NECTIN1: variants seen among roughly 807,000 people sequenced by gnomAD.
NECTIN1 encodes the protein nectin-1.
A neutral mutation model predicts 48.0 loss-of-function variants in NECTIN1; 23 were observed. That is an observed-to-expected ratio of 0.48 (90% CI 0.34 to 0.68). The LOEUF (loss-of-function observed/expected upper bound fraction) is 0.68. Among genes scored for constraint, NECTIN1 ranks in the 30% least tolerant of loss-of-function variants. The pLI is 0.01. For missense variants in NECTIN1, 591 were observed against 709.9 expected (o/e 0.83, Z 1.90); for synonymous variants, 270 against 288.9 (o/e 0.93, Z 0.66).
At chr11:119,655,566 A>C (rs1395881789) in intron 5 of NECTIN1, among the ~76,000 whole-genome samples, 1 of 152,196 alleles carries the variant, frequency 6.6e-6, no homozygotes, top group African/African-American at 2.4e-5. Flanking sequence ...CAGGCTCCTA[A>C]CAGCTGTGTT....
In NECTIN1 at chr11:119,678,901, T is replaced by C; in HGVS notation, c.80-136A>G. ...TCCGATTGTAAAAATATTAATTACT[T>C]GTTATAAAAACACTCTAGGCAACAC... On this transcript the variant is annotated intron_variant, in intron 1 of 5. Transcript: ENST00000264025. The surrounding 1 kb of genome is among the most constrained non-coding windows in gnomAD (Gnocchi z 4.4). The C allele has an allele frequency of 4.3e-6, 3 of 700,296 alleles. No individual in the cohort carries two copies. The highest frequency in any genetic ancestry group is 7.6e-6 in the Non-Finnish European group (3 of 394,716). The allele number at this position is 700,296 out of a possible 1,614,324, so 43.4% of individuals were successfully genotyped here. A position where few individuals can be genotyped will look rare whatever the true frequency, so the allele number is the denominator to read the frequency against.
At chr11:119,651,048 G>T (rs909212736) in intron 5 of NECTIN1, among the ~76,000 whole-genome samples, 19 of 152,190 alleles carry the variant, frequency 1.2e-4, no homozygotes, top group Non-Finnish European at 1.5e-5. Flanking sequence ...TAGGTAGTTA[G>T]ACCTCTTGCT....
rs569810380 is a variant in NECTIN1 at position 119,683,459 on chromosome 11, C to T, written c.80-4694G>A. On this transcript the variant is annotated intron_variant, in intron 1 of 5. Coordinates refer to ENST00000264025, the MANE Select transcript of NECTIN1 (RefSeq NM_002855.5). This position sits in a 1 kb window ranked among gnomAD's most constrained non-coding sequence, Gnocchi z 4.0. ...ATATAACCTCAGTGCCTCCATTGCC[C>T]CTTGTGAGAAATGGCACAAACACCA... is the stretch of plus-strand genomic sequence containing the variant. Among the ~76,000 whole-genome samples the T allele has an allele frequency of 2.6e-5, 4 of 152,156 alleles. No individual in the cohort carries two copies. The highest frequency in any genetic ancestry group is 9.6e-5 in the African/African-American group (4 of 41,516).
chr11:119,645,042 C>A (rs1446334898), intron 5 of NECTIN1, among the ~76,000 whole-genome samples: 1 of 152,208 alleles, frequency 6.6e-6, no homozygotes, highest in African/African-American at 2.4e-5. Context: ...AGCCACTTGG[C>A]ACTTCTGCCC....
intron 1 of NECTIN1, among the ~76,000 whole-genome samples, chr11:119,692,169 G>A (rs1028241650): frequency 2.0e-5 from 3 of 152,156 alleles, no homozygotes; most frequent in Non-Finnish European, 4.4e-5. Flanking sequence ...GCCCAGCCCC[G>A]CTTCCAGCTC....
At chr11:119,644,375 G>A (rs1259448740) in intron 5 of NECTIN1, among the ~76,000 whole-genome samples, 1 of 152,196 alleles carries the variant, frequency 6.6e-6, no homozygotes, top group Non-Finnish European at 1.5e-5. Flanking sequence ...CAAGTAGCCA[G>A]CAATCTTCAC....
At chr11:119,646,857 A>G (rs763363339) in intron 5 of NECTIN1, among the ~76,000 whole-genome samples, 5 of 152,246 alleles carry the variant, frequency 3.3e-5, no homozygotes, top group Non-Finnish European at 7.3e-5. Flanking sequence ...CGTCTGTGAA[A>G]TGAAATAAGA....
Position 119,719,676 on chromosome 11 carries a change from T to A in NECTIN1, c.79+8799A>T, listed in dbSNP as rs138074593. Among the ~76,000 whole-genome samples, 20 of 152,196 alleles carry A rather than the reference T, an allele frequency of 1.3e-4. No homozygotes were observed. The South Asian group carries it at 3.5e-3, about 27-fold the overall frequency. ...AATGTTTCAAACAAGCAACTGTCTA[T>A]CCACCCAGCATGGCCTACTGGTCCC... On this transcript the variant is annotated intron_variant, in intron 1 of 5. Transcript: ENST00000264025.
intron 5 of NECTIN1, among the ~76,000 whole-genome samples, chr11:119,654,736 T>G (rs1864544650): frequency 6.6e-6 from 1 of 152,030 alleles, no homozygotes; most frequent in Admixed American, 6.6e-5. Context: ...CATGCCCAGC[T>G]AATTTGTGTA....
At position 119,663,389 on chromosome 11, in the gene NECTIN1, A is replaced by G; in HGVS notation, c.*1358T>C. ...TAGGAACTCAATGTCCCATTCAAGA[A>G]GGGAATCTGCACTGAAAGGGAGGGC... On this transcript the variant is annotated 3_prime_UTR_variant, in exon 6 of 6. Transcript: ENST00000264025. The G allele has an allele frequency of 1.0e-6, 1 of 985,496 alleles. No homozygotes were observed. Among genetic ancestry groups the G allele is most frequent in the African/African-American group, 1.7e-5 (1 of 57,360 alleles). The allele number at this position is 985,496 out of a possible 1,614,324, so 61.0% of individuals were successfully genotyped here.
chr11:119,646,043 C>T (rs1378108202), intron 5 of NECTIN1, among the ~76,000 whole-genome samples: 1 of 152,234 alleles, frequency 6.6e-6, no homozygotes, highest in Non-Finnish European at 1.5e-5. Flanking sequence ...CCCCTGCCTC[C>T]TGGCCTTTTC....
intron 5 of NECTIN1, among the ~76,000 whole-genome samples, chr11:119,644,268 C>T (rs1011111552): frequency 6.6e-6 from 1 of 152,166 alleles, no homozygotes; most frequent in African/African-American, 2.4e-5. Flanking sequence ...GGCTGCAGGC[C>T]GCGTGCTACT....
At position 119,678,095 on chromosome 11, in the gene NECTIN1, G is replaced by C. The variant is rs955430645; in HGVS notation, c.431-238C>G. Among the ~76,000 whole-genome samples, 2 of 152,180 alleles carry C rather than the reference G, an allele frequency of 1.3e-5. No homozygotes were observed. Among genetic ancestry groups the C allele is most frequent in the Admixed American group, 6.5e-5 (1 of 15,294 alleles). On this transcript the variant is annotated intron_variant, in intron 2 of 5. Transcript: ENST00000264025. The surrounding 1 kb of genome is among the most constrained non-coding windows in gnomAD (Gnocchi z 4.4). ...CCTGTCATCGAGCTTAGGCCTCCTG[G>C]AGTCCCAGCATGTCTAAGGCAAGCA... is the stretch of plus-strand genomic sequence containing the variant.
At position 119,727,257 on chromosome 11, in the gene NECTIN1, C is replaced by A. The variant is rs1754033844; in HGVS notation, c.79+1218G>T. Among the ~76,000 whole-genome samples the A allele has an allele frequency of 6.6e-6, 1 of 152,192 alleles. No individual in the cohort carries two copies. The highest frequency in any genetic ancestry group is 1.5e-5 in the Non-Finnish European group (1 of 68,020). ...GTTCCCTCGATAACAAACTGCCTGG[C>A]CATTCTGCGGCAAAGCACATTGCAG... On this transcript the variant is annotated intron_variant, in intron 1 of 5. Transcript: ENST00000264025. The surrounding 1 kb of genome is among the most constrained non-coding windows in gnomAD (Gnocchi z 4.1).
intron 1 of NECTIN1, among the ~76,000 whole-genome samples, chr11:119,724,655 G>A (rs1302733366): frequency 6.6e-6 from 1 of 152,154 alleles, no homozygotes; most frequent in Non-Finnish European, 1.5e-5. Flanking sequence ...ATATACATTC[G>A]ATGTTATATA....
At chr11:119,703,603 G>T (rs986370413) in intron 1 of NECTIN1, among the ~76,000 whole-genome samples, 11 of 152,180 alleles carry the variant, frequency 7.2e-5, no homozygotes, top group African/African-American at 2.7e-4. Flanking sequence ...TTGAGGCCAG[G>T]GAATGCCTGA....
At chr11:119,696,507 C>T (rs530589296) in intron 1 of NECTIN1, among the ~76,000 whole-genome samples, 3 of 152,302 alleles carry the variant, frequency 2.0e-5, no homozygotes, top group Non-Finnish European at 4.4e-5. Context: ...GCCCCACCCC[C>T]ACTGAGAGCG....
At chr11:119,660,687 G>T (rs1055763808), downstream of NECTIN1, among the ~76,000 whole-genome samples, 1 of 152,132 alleles carries the variant, frequency 6.6e-6, no homozygotes, top group Non-Finnish European at 1.5e-5. Flanking sequence ...CCTCTCTGCT[G>T]TGTGCACCCC....
In NECTIN1 at chr11:119,664,368, CACAA is replaced by C. The variant is rs991631834; in HGVS notation, c.*375_*378del. Reference sequence around the variant, plus strand: ...GAGCCCTCCACCCCCAGTGAAGAAACACAAACAAATTCCAGTGTAGGGGGGCGGG... The same window carrying C: ...GAGCCCTCCACCCCCAGTGAAGAAACACAAATTCCAGTGTAGGGGGGCGGG... On this transcript the variant is annotated 3_prime_UTR_variant, in exon 6 of 6. Coordinates refer to ENST00000264025, the MANE Select transcript of NECTIN1 (RefSeq NM_002855.5). The C allele has an allele frequency of 1.0e-4, 109 of 1,043,912 alleles. No homozygotes were observed. Among genetic ancestry groups the C allele is most frequent in the East Asian group, 3.2e-4 (4 of 12,524 alleles). The allele number at this position is 1,043,912 out of a possible 1,614,324, so 64.7% of individuals were successfully genotyped here.
Sources: gnomAD v4.1 joint callset for allele counts (sites outside exome capture counted in the v4.1 genomes callset) on GRCh38, gnomAD v4.1.1 for gene constraint, Gnocchi (gnomAD v3.1) non-coding constraint, MANE v1.5 for transcripts, NCBI Gene and HGNC (gene_info 2026-07-23, HGNC 2026-07-21) for gene names.